Variants in SPTBN5 observed in about 807,000 individuals in gnomAD.
The protein encoded by SPTBN5 is spectrin beta, non-erythrocytic 5.
SPTBN5 carries 513 observed loss-of-function variants against 477.6 expected under a neutral mutation model. That is an observed-to-expected ratio of 1.07 (90% confidence interval 1.00 to 1.16). SPTBN5 has a LOEUF of 1.16. Among genes scored for constraint, SPTBN5 ranks in the 50% most tolerant of loss-of-function variants. SPTBN5 has a pLI of 0.00. For synonymous variants in SPTBN5, 2,169 were observed against 2,011.7 expected, an observed-to-expected ratio of 1.08 and a Z score of -2.09; for missense variants, 5,062 against 4,731.8, an observed-to-expected ratio of 1.07 and a Z score of -2.05.
chr15:41,852,502 G>T, intron 61 of SPTBN5, 132 bp downstream of exon 61: 1 of 1,301,552 alleles, frequency 7.7e-7, no homozygotes, highest in Non-Finnish European at 1.1e-6. Flanking sequence ...TCCCACCACC[G>T]CAGCTGGCCA....
At position 41,878,572 on chromosome 15, in the gene SPTBN5, C is replaced by A. The variant is rs780035267; in HGVS notation, c.3240G>T (p.Leu1080=). 3.1e-6 allele frequency: 5 copies of A among 1,612,740 alleles called. No individual in the cohort carries two copies. The African/African-American group carries it at 6.7e-5, about 22-fold the overall frequency. ...SQPLQGQVET[L]QGLLKQVQEQ... Reference sequence around the variant, plus strand: ...CCTGTACTTGCTTCAGCAGCCCCTGCAGTGTCTCCACCTGTCCTTGCAGAG... The same window carrying A: ...CCTGTACTTGCTTCAGCAGCCCCTGAAGTGTCTCCACCTGTCCTTGCAGAG... Residue 1080 remains leucine (L), a synonymous_variant, in exon 17 of 68, where the codon CTG becomes CTT. Transcript: ENST00000320955.
At chr15:41,887,586 AAGG>A (rs1402054301) in intron 5 of SPTBN5, 145 bp from the exon 6 acceptor site, 44 of 722,658 alleles carry the variant, frequency 6.1e-5, no homozygotes, top group Non-Finnish European at 6.5e-5. Flanking sequence ...GGCCCTGTTG[AAGG>A]AGGAGGACTC....
chr15:41,850,494 C>G, intron 66 of SPTBN5: 1 of 271,076 alleles, frequency 3.7e-6, no homozygotes. Flanking sequence ...GTTAGAGAAG[C>G]ACCCAGATCA....
chr15:41,855,126 G>A, intron 55 of SPTBN5, 98 bp downstream of exon 55: 1 of 1,452,772 alleles, frequency 6.9e-7, no homozygotes, highest in Non-Finnish European at 9.3e-7. Context: ...CCCTCTCCAG[G>A]CTCCTTTCTG....
chr15:41,869,751 G>A (rs747985184), intron 32 of SPTBN5, 90 bp downstream of exon 32: 21 of 1,280,788 alleles, frequency 1.6e-5, no homozygotes, highest in South Asian at 4.0e-5. Context: ...TTCTCCCTCC[G>A]GAGCTGGAGG....
chr15:41,857,082 G>T (rs1369173223), intron 51 of SPTBN5, 43 bp from the exon 52 acceptor site: 6 of 1,568,942 alleles, frequency 3.8e-6, no homozygotes, highest in Non-Finnish European at 5.2e-6. Flanking sequence ...AGGGACCAGG[G>T]TGTCAGTATT....
Position 41,861,855 on chromosome 15 carries a change from C to T in SPTBN5, c.7617G>A (p.Ala2539=), listed in dbSNP as rs766802057. 5.3e-5 allele frequency: 86 copies of T among 1,607,884 alleles called. No homozygotes were observed. Among genetic ancestry groups the T allele is most frequent in the Admixed American group, 5.2e-4 (31 of 59,848 alleles). Residue 2539 remains alanine, a synonymous_variant, in exon 45 of 68, where the codon GCG becomes GCA. Transcript: ENST00000320955. ...ARSTGQQLLT[A]GHPFSSDIRQ... is the part of the protein sequence containing the mutation. ...GAATGTCGGAGCTGAAGGGGTGCCC[C>T]GCTGTGAGCAGTTGCTGCCCAGTGC...
chr15:41,888,022 G>A lies in SPTBN5; in HGVS notation c.565C>T (p.Arg189Trp), dbSNP rs202240185. ...ACGTTGGTGTAGCTGGCTGTCTTCC[G>A]CTGGCACCAGACCAGCAGGGCTTCC... Reference protein sequence around the residue: ...TKEALLVWCQRKTASYTNVNI... With the variant: ...TKEALLVWCQWKTASYTNVNI... The change falls in exon 5 of 68, where the codon CGG (arginine) becomes TGG (tryptophan). Residue 189 changes from arginine (R) to tryptophan (W), a missense_variant. Coordinates refer to ENST00000320955, the MANE Select transcript of SPTBN5 (RefSeq NM_016642.4). 530 of 1,592,480 alleles carry A rather than the reference G, an allele frequency of 3.3e-4. No individual in the cohort carries two copies. The highest frequency in any genetic ancestry group is 1.0e-3 in the Middle Eastern group (6 of 6,028).
rs1285072582 is a variant in SPTBN5, at chr15:41,852,214, C to T, written c.10552G>A (p.Gly3518Arg). The T allele has an allele frequency of 2.5e-6, 4 of 1,607,206 alleles. No homozygotes were observed. Among genetic ancestry groups the T allele is most frequent in the African/African-American group, 1.3e-5 (1 of 74,920 alleles). The change falls in exon 62 of 68, where the codon GGA becomes AGA. Residue 3518 changes from glycine (G) to arginine (R), a missense_variant. Transcript: ENST00000320955. ...TCCCTCGTCTCAGCCAGCTGTGCTC[C>T]TAGCCCCTGGTGTCCAGAGGGCCTC... ...QWRPSGHQGL[G>R]AQLAETRDPQ...
At chr15:41,850,154 C>T (rs2065704144) in intron 66 of SPTBN5, 195 bp from the exon 67 acceptor site, 2 of 584,856 alleles carry the variant, frequency 3.4e-6, no homozygotes, top group Non-Finnish European at 3.1e-6. Context: ...CGTCCTGCCT[C>T]TTAGGAAACT....
At position 41,885,886 on chromosome 15, in the gene SPTBN5, C is replaced by A; in HGVS notation, c.1369G>T (p.Ala457Ser). Reference sequence around the variant, plus strand: ...GCTGCCTCCACTGTGGCCAGGCTGGCTGGCGGGGCTCTGGCCTGGTCTAGC... The same window carrying A: ...GCTGCCTCCACTGTGGCCAGGCTGGATGGCGGGGCTCTGGCCTGGTCTAGC... ...QVLDQARAPP[A>S]SLATVEAAVQ... The change falls in exon 7 of 68, where the codon GCC becomes TCC. Residue 457 changes from alanine (A) to serine (S), a missense_variant. Coordinates refer to ENST00000320955, the MANE Select transcript of SPTBN5 (RefSeq NM_016642.4). 1 of 1,582,198 alleles carries A rather than the reference C, an allele frequency of 6.3e-7. No homozygotes were observed. Among genetic ancestry groups the A allele is most frequent in the South Asian group, 1.2e-5 (1 of 86,754 alleles).
In SPTBN5 at chr15:41,862,186, C is replaced by A; in HGVS notation, c.7492G>T (p.Ala2498Ser). 2 of 1,608,686 alleles carry A rather than the reference C, an allele frequency of 1.2e-6. No individual in the cohort carries two copies. Among genetic ancestry groups the A allele is most frequent in the Non-Finnish European group, 1.7e-6 (2 of 1,177,394 alleles). The change falls in exon 44 of 68, where the codon GCT becomes TCT. Residue 2498 changes from alanine to serine, a missense_variant. Coordinates refer to ENST00000320955, the MANE Select transcript of SPTBN5 (RefSeq NM_016642.4). Reference protein sequence around the residue: ...RLRAQMDTSPAPRSPVEARRM... With the variant: ...RLRAQMDTSPSPRSPVEARRM... ...CGGGCTTCCACAGGGCTGCGAGGAGCGGGGCTCGTGTCCATCTGAGCCCGC... is the reference window on the plus strand; with the variant it reads ...CGGGCTTCCACAGGGCTGCGAGGAGAGGGGCTCGTGTCCATCTGAGCCCGC...
chr15:41,866,733 G>T (rs1401916025), intron 36 of SPTBN5, among the ~76,000 whole-genome samples: 1 of 152,078 alleles, frequency 6.6e-6, no homozygotes, highest in Non-Finnish European at 1.5e-5. Context: ...GGGCTGCTCT[G>T]CTCCCTTCCC....
rs1423553202 is a variant in SPTBN5 at position 41,883,363 on chromosome 15, C to T, written c.1644G>A (p.Gln548=). The change falls in exon 8 of 68, where the codon CAG becomes CAA. Residue 548 remains glutamine, a synonymous_variant. Transcript: ENST00000320955. The stretch of plus-strand genomic sequence containing the variant: ...CAGTGCCCACCTGCAGCTCCTCCAG[C>T]TGGTGGGAGGCAGCCTCCACCTCCT... ...LLQEVEAASH[Q]LEELQEPARS... is the part of the protein sequence containing the mutation. 3 of 1,613,286 alleles carry T rather than the reference C, an allele frequency of 1.9e-6. No individual in the cohort carries two copies. The highest frequency in any genetic ancestry group is 1.3e-5 in the African/African-American group (1 of 74,948).
chr15:41,860,859 C>T, intron 46 of SPTBN5, 101 bp from the exon 47 acceptor site: 7 of 1,210,196 alleles, frequency 5.8e-6, no homozygotes, highest in Non-Finnish European at 6.5e-6. Flanking sequence ...TGCTCATCCA[C>T]AGAGCGGCTG....
At position 41,887,950 on chromosome 15, in the gene SPTBN5, T is replaced by G; in HGVS notation, c.637A>C (p.Asn213His). The G allele has an allele frequency of 5.0e-6, 8 of 1,610,018 alleles. No individual in the cohort carries two copies. The South Asian group carries it at 7.8e-5, about 16-fold the overall frequency. The change falls in exon 5 of 68, where the codon AAT becomes CAT. Residue 213 changes from asparagine (N) to histidine (H), a missense_variant. By Grantham distance (68) the Asn-to-His change is moderately conservative. Transcript: ENST00000320955. Reference sequence around the variant, plus strand: ...CACCTGTGGGCATGGATGAGGGCATTGAAGCCCAGCCCATCGCTCCAGCTT... The same window carrying G: ...CACCTGTGGGCATGGATGAGGGCATGGAAGCCCAGCCCATCGCTCCAGCTT... ...SRSWSDGLGF[N>H]ALIHAHRPDL...
At position 41,862,864 on chromosome 15, in the gene SPTBN5, C is replaced by G. The variant is rs199930013; in HGVS notation, c.7189G>C (p.Glu2397Gln). 24 of 1,589,318 alleles carry G rather than the reference C, an allele frequency of 1.5e-5. No homozygotes were observed. The highest frequency in any genetic ancestry group is 3.3e-4 in the Middle Eastern group (2 of 6,054). Residue 2397 changes from glutamate to glutamine, a missense_variant, in exon 42 of 68, where the codon GAG (glutamate) becomes CAG (glutamine). Transcript: ENST00000320955. ...IQALDCGKDL[E>Q]SVQRLLRKHE... ...TTCCGCAGCAGCCTCTGCACGCTCT[C>G]CAGATCTTTCCCACAGTCCAGGGCC...
At chr15:41,864,231 G>C (rs772416749) in intron 39 of SPTBN5, among the ~76,000 whole-genome samples, 30 of 152,210 alleles carry the variant, frequency 2.0e-4, no homozygotes, top group Non-Finnish European at 8.8e-5. Context: ...TCAGCTTGGA[G>C]CCTGCAGCCC....
At chr15:41,850,143 G>A (rs1048969751) in intron 66 of SPTBN5, 184 bp from the exon 67 acceptor site, 26 of 597,514 alleles carry the variant, frequency 4.4e-5, no homozygotes, top group African/African-American at 2.4e-4. Context: ...TTTCCCCCAT[G>A]CGTCCTGCCT....
Sources: gnomAD v4.1 joint callset for allele counts (sites outside exome capture counted in the v4.1 genomes callset) on GRCh38, gnomAD v4.1.1 for gene constraint, MANE v1.5 for transcripts, NCBI Gene and HGNC (gene_info 2026-07-23, HGNC 2026-07-21) for gene names.